The following RALA variants were observed in gnomAD, a reference collection of about 807,000 sequenced individuals.
RALA encodes the protein ras-related protein Ral-A.
RALA carries 5 observed loss-of-function variants against 24.0 expected under a neutral mutation model. That is an observed-to-expected ratio of 0.21 (90% confidence interval 0.11 to 0.44). The LOEUF (loss-of-function observed/expected upper bound fraction) is 0.44, where lower values mean the gene tolerates loss of function less well. RALA is among the 20% of genes least tolerant of loss of function. The pLI is 0.99. For missense variants in RALA, 95 were observed against 241.2 expected (o/e 0.39, Z 4.01); for synonymous variants, 77 against 83.8 (o/e 0.92, Z 0.44).
At chr7:39,702,334 G>GT (rs1185670251) in intron 4 of RALA, among the ~76,000 whole-genome samples, 1 of 152,010 alleles carries the variant, frequency 6.6e-6, no homozygotes, top group Non-Finnish European at 1.5e-5. Flanking sequence ...GCATTTGCTT[G>GT]TTTTTTCTTC....
At chr7:39,655,776 T>C (rs1057052463) in intron 1 of RALA, among the ~76,000 whole-genome samples, 1 of 152,340 alleles carries the variant, frequency 6.6e-6, no homozygotes, top group South Asian at 2.1e-4. Flanking sequence ...TGTTTCACTT[T>C]GCTTATTATA....
intron 1 of RALA, among the ~76,000 whole-genome samples, chr7:39,645,636 A>T (rs1342285654): frequency 1.3e-5 from 2 of 152,218 alleles, no homozygotes; most frequent in Non-Finnish European, 2.9e-5. Context: ...TTGTTTAATA[A>T]AATGTTTCTT....
chr7:39,697,946 CAA>C (rs1792950568), intron 4 of RALA, among the ~76,000 whole-genome samples: 1 of 87,842 alleles, frequency 1.1e-5, no homozygotes, highest in Non-Finnish European at 2.3e-5. Flanking sequence ...AGGACTAGGG[CAA>C]GTGTGTGTGT....
intron 1 of RALA, among the ~76,000 whole-genome samples, chr7:39,651,725 C>G (rs184541780): frequency 6.6e-6 from 1 of 151,982 alleles, no homozygotes; most frequent in East Asian, 1.9e-4. Context: ...CTAATTTTTT[C>G]ATGTTTGTAG....
intron 1 of RALA, among the ~76,000 whole-genome samples, chr7:39,684,796 A>G (rs1219222308): frequency 1.3e-5 from 2 of 151,984 alleles, no homozygotes; most frequent in East Asian, 1.9e-4. Context: ...AAAGGGCCGC[A>G]TGTGGCCCAC....
intron 1 of RALA, among the ~76,000 whole-genome samples, chr7:39,631,870 G>A (rs950135911): frequency 6.6e-6 from 1 of 152,194 alleles, no homozygotes; most frequent in East Asian, 1.9e-4. Flanking sequence ...AAAGGAAAGA[G>A]ATTTGTTTGG....
At chr7:39,666,440 G>A (rs1792288346) in intron 1 of RALA, among the ~76,000 whole-genome samples, 1 of 152,176 alleles carries the variant, frequency 6.6e-6, no homozygotes, top group African/African-American at 2.4e-5. Flanking sequence ...GTGAGTCTGT[G>A]CTAAACAGAT....
intron 4 of RALA, among the ~76,000 whole-genome samples, chr7:39,701,842 T>G (rs971199911): frequency 6.6e-6 from 1 of 152,216 alleles, no homozygotes; most frequent in Non-Finnish European, 1.5e-5. Context: ...GAGGAATCAC[T>G]CCGAGGCTAA....
intron 1 of RALA, among the ~76,000 whole-genome samples, chr7:39,685,024 T>A (rs1792673974): frequency 6.6e-6 from 1 of 152,106 alleles, no homozygotes; most frequent in South Asian, 2.1e-4. Context: ...ATTAAGTTGG[T>A]GCAAAAGTAA....
intron 1 of RALA, among the ~76,000 whole-genome samples, chr7:39,660,684 C>T (rs367962732): frequency 1.1e-4 from 16 of 152,056 alleles, no homozygotes; most frequent in South Asian, 8.3e-4. Context: ...AGTTTACTTA[C>T]GCAGATTTTT....
intron 4 of RALA, among the ~76,000 whole-genome samples, chr7:39,699,819 C>A (rs1171546435): frequency 6.6e-6 from 1 of 152,160 alleles, no homozygotes; most frequent in Non-Finnish European, 1.5e-5. Context: ...ACTGTAAATA[C>A]CCTTGTGAAC....
intron 1 of RALA, among the ~76,000 whole-genome samples, chr7:39,638,989 A>G (rs1449367523): frequency 6.6e-6 from 1 of 152,252 alleles, no homozygotes; most frequent in African/African-American, 2.4e-5. Context: ...CCTCACCAGC[A>G]GTGTTTGAGG....
chr7:39,625,361 C>T (rs1352769943), intron 1 of RALA, among the ~76,000 whole-genome samples: 1 of 152,178 alleles, frequency 6.6e-6, no homozygotes, highest in Non-Finnish European at 1.5e-5. Context: ...ACTACTTGAG[C>T]ATATTCAGAG....
At chr7:39,635,627 A>G (rs7806633) in intron 1 of RALA, among the ~76,000 whole-genome samples, 69,002 of 151,870 alleles carry the variant, frequency 0.45, 16,503 homozygotes, top group Non-Finnish European at 0.52. Flanking sequence ...GACCAGGGGA[A>G]ATGGGGAGGA....
chr7:39,636,551 G>A (rs557765818), intron 1 of RALA, among the ~76,000 whole-genome samples: 5 of 152,196 alleles, frequency 3.3e-5, no homozygotes, highest in South Asian at 4.2e-4. Flanking sequence ...CACTTTCTTC[G>A]TTGTAAAAAC....
chr7:39,686,890 A>G, intron 2 of RALA, 109 bp downstream of exon 2: 4 of 795,312 alleles, frequency 5.0e-6, no homozygotes, highest in South Asian at 2.1e-5. Context: ...GAAATTACTA[A>G]TAATTTTTTT....
chr7:39,657,003 G>A (rs144904297), intron 1 of RALA, among the ~76,000 whole-genome samples: 15,452 of 151,982 alleles, frequency 0.1, 1,042 homozygotes, highest in Non-Finnish European at 0.15. Flanking sequence ...AGTCTTGCTC[G>A]GTCACCCAGG....
intron 1 of RALA, among the ~76,000 whole-genome samples, chr7:39,678,214 C>T (rs919214872): frequency 3.3e-5 from 5 of 150,390 alleles, no homozygotes; most frequent in African/African-American, 9.9e-5. Context: ...AAAAAAGATT[C>T]ATTTTGGGCT....
chr7:39,627,696 G>A (rs1018284759), intron 1 of RALA, among the ~76,000 whole-genome samples: 5 of 152,190 alleles, frequency 3.3e-5, no homozygotes, highest in African/African-American at 4.8e-5. Context: ...TCCATTAAAA[G>A]TGGAGGTTGC....
Sources: gnomAD v4.1 joint callset for allele counts (sites outside exome capture counted in the v4.1 genomes callset) on GRCh38, gnomAD v4.1.1 for gene constraint, MANE v1.5 for transcripts, NCBI Gene and HGNC (gene_info 2026-07-23, HGNC 2026-07-21) for gene names.